Variants in LIPA observed in about 807,000 individuals in gnomAD.
LIPA encodes lysosomal acid lipase/cholesteryl ester hydrolase.
Under a neutral mutation model 40.6 loss-of-function variants are expected in LIPA, and 26 were observed. The observed-to-expected ratio is 0.64, with a 90% CI of 0.47 to 0.89. LIPA has a LOEUF of 0.89. Ranked by LOEUF, LIPA falls within the 40% of genes least tolerant of loss-of-function variation. LIPA has a pLI of 0.00. For synonymous variants in LIPA, 188 were observed against 168.4 expected (o/e 1.12, Z -0.90); for missense variants, 455 against 479.6 (o/e 0.95, Z 0.48).
At chr10:89,217,407 A>T (rs559999210) in intron 8 of LIPA, among the ~76,000 whole-genome samples, 62 of 152,398 alleles carry the variant, frequency 4.1e-4, no homozygotes, top group African/African-American at 1.5e-3. Flanking sequence ...TTGGATTCAC[A>T]GCACCTGTTG....
chr10:89,235,045 G>C (rs1197009123), intron 3 of LIPA, among the ~76,000 whole-genome samples: 1 of 152,234 alleles, frequency 6.6e-6, no homozygotes, highest in Non-Finnish European at 1.5e-5. Context: ...TAACAAGAGA[G>C]AAGTCTCTAG....
chr10:89,389,499 A>C (rs1473804154), intron 2 of LIPA, among the ~76,000 whole-genome samples: 1 of 152,234 alleles, frequency 6.6e-6, no homozygotes, highest in Non-Finnish European at 1.5e-5. Flanking sequence ...TCAGCTTTTC[A>C]TTAGGTAACC....
At chr10:89,333,040 C>T (rs1217288216) in intron 1 of LIPA, among the ~76,000 whole-genome samples, 1 of 152,222 alleles carries the variant, frequency 6.6e-6, no homozygotes, top group Non-Finnish European at 1.5e-5. Context: ...ACCATGCTTG[C>T]TTCTCAGCAA....
chr10:89,298,096 C>T (rs554309100), intron 1 of LIPA, among the ~76,000 whole-genome samples: 13 of 152,324 alleles, frequency 8.5e-5, no homozygotes, highest in South Asian at 6.2e-4. Flanking sequence ...TTTGTCCCAC[C>T]GTTGGCTACT....
chr10:89,293,678 ATGAGAGAGAGAG>A (rs1240344157), intron 1 of LIPA: 1 of 126,268 alleles, frequency 7.9e-6, no homozygotes, highest in Non-Finnish European at 1.6e-5. Context: ...TCTGTGTGAG[ATGAGAGAGAGAG>A]AGAGAGAGAG....
intron 1 of LIPA, among the ~76,000 whole-genome samples, chr10:89,249,240 T>C (rs1355949869): frequency 2.0e-5 from 3 of 152,170 alleles, no homozygotes; most frequent in African/African-American, 7.2e-5. Context: ...AACCATCAAA[T>C]CAACAAAGAC....
chr10:89,384,579 A>C, intron 2 of LIPA: 4 of 1,614,172 alleles, frequency 2.5e-6, no homozygotes, highest in Non-Finnish European at 3.4e-6. Flanking sequence ...TCAATGCTTT[A>C]GAGAAATTGG....
intron 1 of LIPA, among the ~76,000 whole-genome samples, chr10:89,325,658 G>A (rs1397777774): frequency 6.6e-6 from 1 of 152,102 alleles, no homozygotes; most frequent in Non-Finnish European, 1.5e-5. Context: ...AGTGGGAACT[G>A]AACATTATGG....
chr10:89,305,479 T>A (rs1843472316), intron 1 of LIPA, among the ~76,000 whole-genome samples: 1 of 152,074 alleles, frequency 6.6e-6, no homozygotes, highest in African/African-American at 2.4e-5. Flanking sequence ...TGAAGCTGCA[T>A]TTCGGAGGGA....
chr10:89,327,478 G>T (rs1843610961), intron 1 of LIPA, among the ~76,000 whole-genome samples: 1 of 152,048 alleles, frequency 6.6e-6, no homozygotes, highest in Non-Finnish European at 1.5e-5. Context: ...TTGAACCCAG[G>T]AGGCAGAGGT....
chr10:89,265,670 G>T (rs72814773), intron 1 of LIPA, among the ~76,000 whole-genome samples: 31 of 152,278 alleles, frequency 2.0e-4, no homozygotes, highest in African/African-American at 7.0e-4. Context: ...CACTGGGAAA[G>T]ATTGGAAACT....
intron 1 of LIPA, among the ~76,000 whole-genome samples, chr10:89,317,717 C>T (rs1162708498): frequency 2.6e-5 from 4 of 152,090 alleles, no homozygotes; most frequent in South Asian, 2.1e-4. Context: ...ATACGGAGAA[C>T]GCCACAAAGA....
intron 3 of LIPA, among the ~76,000 whole-genome samples, chr10:89,237,091 C>A (rs145631226): frequency 9.9e-5 from 15 of 152,260 alleles, no homozygotes; most frequent in East Asian, 9.6e-4. Context: ...CTGAAAAACA[C>A]AGTGAGATCC....
At chr10:89,317,008 G>A (rs895272074) in intron 1 of LIPA, among the ~76,000 whole-genome samples, 1 of 152,208 alleles carries the variant, frequency 6.6e-6, no homozygotes, top group Non-Finnish European at 1.5e-5. Context: ...CTGACTGTTA[G>A]AAGGAAAACT....
chr10:89,354,322 T>C (rs1843978217), intron 2 of LIPA, among the ~76,000 whole-genome samples: 1 of 152,260 alleles, frequency 6.6e-6, no homozygotes, highest in African/African-American at 2.4e-5. Flanking sequence ...TACTGATTGA[T>C]GTCTCCTGTC....
chr10:89,402,672 C>T (rs376965843), intron 2 of LIPA: 45 of 1,614,062 alleles, frequency 2.8e-5, no homozygotes, highest in Admixed American at 2.2e-4. Context: ...AAATCCCTTC[C>T]GCTATAGAAT....
intron 2 of LIPA, among the ~76,000 whole-genome samples, chr10:89,359,828 C>CACACACACACAA (rs1844010889): frequency 1.3e-5 from 2 of 151,368 alleles, no homozygotes; most frequent in African/African-American, 4.9e-5. Flanking sequence ...CACACACACA[C>CACACACACACAA]ACACACACAC....
At chr10:89,348,104 G>T (rs759831939) in intron 2 of LIPA, among the ~76,000 whole-genome samples, 1 of 152,206 alleles carries the variant, frequency 6.6e-6, no homozygotes, top group Non-Finnish European at 1.5e-5. Flanking sequence ...TTCCAGAGTG[G>T]ATCCCCACCT....
intron 2 of LIPA, among the ~76,000 whole-genome samples, chr10:89,352,063 C>A (rs1010637647): frequency 5.3e-5 from 8 of 152,190 alleles, no homozygotes; most frequent in African/African-American, 1.4e-4. Context: ...CCTTATTAAT[C>A]TTTAACCAGA....
Sources: gnomAD v4.1 joint callset for allele counts (sites outside exome capture counted in the v4.1 genomes callset) on GRCh38, gnomAD v4.1.1 for gene constraint, MANE v1.5 for transcripts, NCBI Gene and HGNC (gene_info 2026-07-23, HGNC 2026-07-21) for gene names.